The following STPG2 variants were observed in gnomAD, a reference collection of about 807,000 sequenced individuals.
STPG2 encodes sperm-tail PG-rich repeat-containing protein 2.
Under a neutral mutation model 54.2 loss-of-function variants are expected in STPG2, and 56 were observed. That is an observed-to-expected ratio of 1.03 (90% confidence interval 0.83 to 1.29). The LOEUF (loss-of-function observed/expected upper bound fraction) is 1.29. STPG2 is among the 50% of genes most tolerant of loss of function. The pLI is 0.00. For synonymous variants in STPG2, 200 were observed against 181.8 expected (o/e 1.10, Z -0.81); for missense variants, 596 against 544.9 (o/e 1.09, Z -0.93).
At chr4:97,819,067 A>C (rs1470238502) in intron 9 of STPG2, among the ~76,000 whole-genome samples, 3 of 151,074 alleles carry the variant, frequency 2.0e-5, no homozygotes, top group Non-Finnish European at 4.4e-5. Flanking sequence ...TTAATAATAA[A>C]ATTTCTATCA....
chr4:97,936,886 T>C (rs1247700275), intron 8 of STPG2, among the ~76,000 whole-genome samples: 1 of 152,142 alleles, frequency 6.6e-6, no homozygotes, highest in Admixed American at 6.5e-5. Context: ...GAGTATGTTA[T>C]TGGGGTTCTC....
At chr4:97,549,566 G>A (rs894158590) in intron 4 of STPG2, among the ~76,000 whole-genome samples, 5 of 152,064 alleles carry the variant, frequency 3.3e-5, no homozygotes, top group African/African-American at 4.8e-5. Flanking sequence ...CTGTGAAATC[G>A]GCCTTATTTG....
intron 9 of STPG2, among the ~76,000 whole-genome samples, chr4:97,819,308 C>A (rs768644002): frequency 6.6e-6 from 1 of 151,940 alleles, no homozygotes; most frequent in Non-Finnish European, 1.5e-5. Flanking sequence ...TTATAAGTCA[C>A]TGAGAAAACA....
At chr4:97,843,297 C>G (rs1446011376) in intron 8 of STPG2, among the ~76,000 whole-genome samples, 1 of 151,318 alleles carries the variant, frequency 6.6e-6, no homozygotes, top group Non-Finnish European at 1.5e-5. Flanking sequence ...AACACAAAAG[C>G]TAAAAATGTC....
intron 4 of STPG2, among the ~76,000 whole-genome samples, chr4:97,552,821 C>T (rs546780936): frequency 6.6e-6 from 1 of 152,200 alleles, no homozygotes; most frequent in African/African-American, 2.4e-5. Flanking sequence ...GTTCTCAATG[C>T]ATCCGAGCAG....
intron 9 of STPG2, among the ~76,000 whole-genome samples, chr4:97,741,952 T>C (rs2149037639): frequency 6.6e-6 from 1 of 152,216 alleles, no homozygotes; most frequent in African/African-American, 2.4e-5. Context: ...TAGCAAGGAC[T>C]TGGAACCAAC....
At chr4:97,527,464 C>G (rs540609792) in intron 4 of STPG2, among the ~76,000 whole-genome samples, 1 of 152,098 alleles carries the variant, frequency 6.6e-6, no homozygotes, top group Admixed American at 6.6e-5. Context: ...TAAACATACA[C>G]GTGCATGTAT....
chr4:97,636,669 A>G (rs142345953), intron 10 of STPG2, among the ~76,000 whole-genome samples: 124,491 of 147,288 alleles, frequency 0.85, 52,568 homozygotes, highest in Middle Eastern at 0.94. Flanking sequence ...TATTACCACC[A>G]ATCCCACAGA....
At chr4:97,911,109 C>A (rs932682854) in intron 8 of STPG2, among the ~76,000 whole-genome samples, 2 of 152,208 alleles carry the variant, frequency 1.3e-5, no homozygotes, top group Non-Finnish European at 2.9e-5. Flanking sequence ...TGCGACCCTG[C>A]CTGGGAAACC....
chr4:97,708,582 T>G (rs1220773493), intron 10 of STPG2, among the ~76,000 whole-genome samples: 3 of 151,914 alleles, frequency 2.0e-5, no homozygotes, highest in Non-Finnish European at 1.5e-5. Context: ...TAAAACTATC[T>G]TTATAAGGCT....
chr4:97,905,782 T>TA (rs974107350), intron 8 of STPG2, among the ~76,000 whole-genome samples: 1 of 149,626 alleles, frequency 6.7e-6, no homozygotes, highest in Non-Finnish European at 1.5e-5. Flanking sequence ...AAATGGAAAA[T>TA]AAAAAAAGGC....
At chr4:97,903,556 G>C (rs754254910) in intron 8 of STPG2, among the ~76,000 whole-genome samples, 4 of 151,974 alleles carry the variant, frequency 2.6e-5, no homozygotes, top group Non-Finnish European at 5.9e-5. Flanking sequence ...TATTTTAAAA[G>C]ACCAATAAAA....
chr4:97,919,958 A>G (rs1036673914), intron 8 of STPG2, among the ~76,000 whole-genome samples: 3 of 152,202 alleles, frequency 2.0e-5, no homozygotes, highest in Non-Finnish European at 4.4e-5. Context: ...GTTAGGCAGT[A>G]TATTATTTCC....
At chr4:98,004,690 G>A (rs909863049) in intron 5 of STPG2, among the ~76,000 whole-genome samples, 4 of 152,024 alleles carry the variant, frequency 2.6e-5, no homozygotes, top group Non-Finnish European at 5.9e-5. Flanking sequence ...TCTAAGAGGT[G>A]GGAGATGATA....
intron 8 of STPG2, among the ~76,000 whole-genome samples, chr4:97,925,917 C>T (rs1732315318): frequency 6.6e-6 from 1 of 152,142 alleles, no homozygotes; most frequent in South Asian, 2.1e-4. Flanking sequence ...CTAACCTATA[C>T]CTTTTATTCC....
intron 4 of STPG2, among the ~76,000 whole-genome samples, chr4:97,447,374 C>G (rs1240125720): frequency 4.6e-5 from 7 of 152,108 alleles, no homozygotes; most frequent in Admixed American, 6.5e-5. Context: ...TAATAAGGAG[C>G]CAAATGTTAA....
chr4:97,517,664 A>G (rs560301296), intron 4 of STPG2, among the ~76,000 whole-genome samples: 2 of 152,162 alleles, frequency 1.3e-5, no homozygotes, highest in African/African-American at 4.8e-5. Context: ...ATAAATTTCT[A>G]TTTATAAAGT....
chr4:97,444,006 G>T (rs185965209), intron 4 of STPG2, among the ~76,000 whole-genome samples: 261 of 152,126 alleles, frequency 1.7e-3, no homozygotes, highest in African/African-American at 6.1e-3. Context: ...GGAAATTACA[G>T]AACTGAAAAT....
intron 8 of STPG2, among the ~76,000 whole-genome samples, chr4:97,887,093 A>G (rs1472520038): frequency 6.6e-6 from 1 of 152,158 alleles, no homozygotes; most frequent in Non-Finnish European, 1.5e-5. Flanking sequence ...TTTCTTTATA[A>G]ACTACTCAGT....
Sources: gnomAD v4.1 joint callset for allele counts (sites outside exome capture counted in the v4.1 genomes callset) on GRCh38, gnomAD v4.1.1 for gene constraint, MANE v1.5 for transcripts, NCBI Gene and HGNC (gene_info 2026-07-23, HGNC 2026-07-21) for gene names.